Variants in TRAP1 observed in about 807,000 individuals in gnomAD.
TRAP1 encodes the protein heat shock protein 75 kDa, mitochondrial.
A neutral mutation model predicts 89.1 loss-of-function variants in TRAP1; 102 were observed. The observed-to-expected ratio is 1.15, with a 90% confidence interval of 0.98 to 1.35. The LOEUF is 1.35. Among genes scored for constraint, TRAP1 ranks in the 40% most tolerant of loss-of-function variants. The pLI, the probability that TRAP1 is intolerant of heterozygous loss-of-function variation, is 0.00. For missense variants in TRAP1, 1,256 were observed against 945.3 expected (o/e 1.33, Z -4.31); for synonymous variants, 508 against 388.0 (o/e 1.31, Z -3.64).
At chr16:3,662,714 C>G (rs964130697) in intron 15 of TRAP1, 168 bp downstream of exon 15, 1 of 714,600 alleles carries the variant, frequency 1.4e-6, no homozygotes, top group African/African-American at 1.7e-5. Context: ...CAGCGGCACT[C>G]CCGAGCAACA....
intron 1 of TRAP1, among the ~76,000 whole-genome samples, chr16:3,693,614 A>G (rs2051246361): frequency 6.6e-6 from 1 of 152,144 alleles, no homozygotes; most frequent in East Asian, 1.9e-4. Flanking sequence ...CACAAAAAGG[A>G]TAAACCAGAA....
chr16:3,702,412 T>C (rs1226756059), intron 1 of TRAP1, among the ~76,000 whole-genome samples: 1 of 151,624 alleles, frequency 6.6e-6, no homozygotes, highest in Non-Finnish European at 1.5e-5. Flanking sequence ...AAGAAGTTTT[T>C]TGAGAAAAGA....
At chr16:3,668,857 G>C (rs1418245211) in intron 11 of TRAP1, among the ~76,000 whole-genome samples, 11 of 152,224 alleles carry the variant, frequency 7.2e-5, no homozygotes. Context: ...GCTCAGCACA[G>C]TTCTCAGTGG....
At chr16:3,706,456 CTTTTT>C (rs34658116) in intron 1 of TRAP1, among the ~76,000 whole-genome samples, 10 of 98,966 alleles carry the variant, frequency 1.0e-4, no homozygotes, top group Middle Eastern at 0.013. Flanking sequence ...TATTTGCACT[CTTTTT>C]TTTTTTTTTT....
intron 1 of TRAP1, among the ~76,000 whole-genome samples, chr16:3,712,346 A>G (rs1270461605): frequency 6.7e-6 from 1 of 150,330 alleles, no homozygotes; most frequent in Non-Finnish European, 1.5e-5. Flanking sequence ...GAGACAAGCA[A>G]GTATCACAGG....
chr16:3,685,900 C>T (rs2051131868), intron 4 of TRAP1, 96 bp downstream of exon 4: 1 of 1,419,382 alleles, frequency 7.0e-7, no homozygotes, highest in African/African-American at 1.4e-5. Flanking sequence ...TACGGACGGC[C>T]AGTACGTCCC....
At chr16:3,667,104 G>A (rs538423764) in intron 11 of TRAP1, among the ~76,000 whole-genome samples, 2 of 152,262 alleles carry the variant, frequency 1.3e-5, no homozygotes, top group Admixed American at 1.3e-4. Context: ...AGCCCAGGAT[G>A]CGGTGCAGAG....
At chr16:3,686,458 C>G (rs904923405) in intron 3 of TRAP1, among the ~76,000 whole-genome samples, 2 of 152,172 alleles carry the variant, frequency 1.3e-5, no homozygotes, top group Non-Finnish European at 2.9e-5. Flanking sequence ...GCTGGGCCCA[C>G]AGGCATGCAC....
chr16:3,669,485 G>A (rs1398310058), intron 11 of TRAP1, among the ~76,000 whole-genome samples: 1 of 151,970 alleles, frequency 6.6e-6, no homozygotes, highest in Non-Finnish European at 1.5e-5. Flanking sequence ...TATATCTTCC[G>A]ACCAAGTAAC....
intron 4 of TRAP1, among the ~76,000 whole-genome samples, chr16:3,680,746 C>T (rs1047946971): frequency 2.6e-5 from 4 of 152,172 alleles, no homozygotes; most frequent in Non-Finnish European, 5.9e-5. Context: ...GATCAAGTCA[C>T]GACGGCTCCA....
Position 3,663,476 on chromosome 16 carries a change from C to T in TRAP1, c.1656G>A (p.Thr552=), listed in dbSNP as rs762072656. The T allele has an allele frequency of 8.7e-6, 14 of 1,614,160 alleles. No homozygotes were observed. Among genetic ancestry groups the T allele is most frequent in the East Asian group, 2.2e-5 (1 of 44,874 alleles). ...CCTTGTAGTGATCCACGACTATGTCCGTCTCCACAGAGATCAGCTTCTTCT... is the reference window on the plus strand; with the variant it reads ...CCTTGTAGTGATCCACGACTATGTCTGTCTCCACAGAGATCAGCTTCTTCT... ...FDKKKLISVE[T]DIVVDHYKEE... is the part of the protein sequence containing the mutation. Residue 552 remains threonine (T), a synonymous_variant, in exon 14 of 18, where the codon ACG becomes ACA. Transcript: ENST00000246957.
chr16:3,678,455 TTTG>T (rs143817901), intron 5 of TRAP1: 11,029 of 150,742 alleles, frequency 0.073, 649 homozygotes, highest in South Asian at 0.23. Flanking sequence ...GGGTTTTTTG[TTTG>T]TTGTTGTTGT....
intron 1 of TRAP1, among the ~76,000 whole-genome samples, chr16:3,715,610 G>A (rs980749190): frequency 5.3e-5 from 8 of 151,978 alleles, no homozygotes; most frequent in African/African-American, 1.9e-4. Context: ...ACCTCCAAGG[G>A]GGAAAAAACC....
intron 1 of TRAP1, among the ~76,000 whole-genome samples, chr16:3,707,329 G>A (rs1047041781): frequency 6.7e-5 from 10 of 150,326 alleles, no homozygotes; most frequent in Non-Finnish European, 1.2e-4. Flanking sequence ...GGGACTACAG[G>A]CGCCCACCAC....
intron 11 of TRAP1, among the ~76,000 whole-genome samples, chr16:3,668,144 T>TA (rs1163681479): frequency 6.6e-6 from 1 of 151,874 alleles, no homozygotes; most frequent in African/African-American, 2.4e-5. Flanking sequence ...GGCAGGCTGG[T>TA]AACTCCTGAC....
chr16:3,662,616 C>G, intron 15 of TRAP1: 1 of 654,008 alleles, frequency 1.5e-6, no homozygotes, highest in Middle Eastern at 2.4e-4. Context: ...TCAGCCATTG[C>G]AGCTCCCACT....
chr16:3,699,949 T>A (rs181012159), intron 1 of TRAP1, among the ~76,000 whole-genome samples: 1 of 152,164 alleles, frequency 6.6e-6, no homozygotes, highest in Non-Finnish European at 1.5e-5. Context: ...CTGCTGGGAT[T>A]ACAGGTCTGA....
chr16:3,666,560 TAAA>T (rs35863772), intron 11 of TRAP1, among the ~76,000 whole-genome samples: 12 of 147,794 alleles, frequency 8.1e-5, no homozygotes, highest in African/African-American at 2.9e-4. Flanking sequence ...TAAATGGCCA[TAAA>T]AAAAAAAAAC....
At chr16:3,711,353 C>G (rs1223650434) in intron 1 of TRAP1, among the ~76,000 whole-genome samples, 4 of 152,152 alleles carry the variant, frequency 2.6e-5, no homozygotes, top group Admixed American at 6.6e-5. Context: ...GTAATCCCAG[C>G]ACTTTGGGAG....
Sources: gnomAD v4.1 joint callset for allele counts (sites outside exome capture counted in the v4.1 genomes callset) on GRCh38, gnomAD v4.1.1 for gene constraint, MANE v1.5 for transcripts, NCBI Gene and HGNC (gene_info 2026-07-23, HGNC 2026-07-21) for gene names.